VAV3: variants seen among roughly 807,000 people sequenced by gnomAD.
VAV3 encodes vav guanine nucleotide exchange factor 3.
In VAV3, 94 loss-of-function variants were observed where a neutral mutation model predicts 131.2. The observed-to-expected ratio is 0.72, with a 90% CI of 0.61 to 0.85. The LOEUF is 0.85. Ranked by LOEUF, VAV3 falls within the 40% of genes least tolerant of loss-of-function variation. The pLI, the probability that VAV3 is intolerant of heterozygous loss-of-function variation, is 0.00. For missense variants in VAV3, 939 were observed against 1,002.7 expected, an observed-to-expected ratio of 0.94 and a Z score of 0.86; for synonymous variants, 349 against 342.0, an observed-to-expected ratio of 1.02 and a Z score of -0.22.
intron 1 of VAV3, among the ~76,000 whole-genome samples, chr1:107,911,903 T>C (rs1314222634): frequency 6.6e-6 from 1 of 152,182 alleles, no homozygotes; most frequent in Non-Finnish European, 1.5e-5. Flanking sequence ...CACAATAGAC[T>C]TACTGCAAAC....
chr1:107,841,012 A>C (rs926559095), intron 2 of VAV3, among the ~76,000 whole-genome samples: 2 of 152,186 alleles, frequency 1.3e-5, no homozygotes, highest in African/African-American at 4.8e-5. Context: ...CCATGGTCTT[A>C]GCTAGAAGAA....
At chr1:107,915,708 C>T (rs1477498549) in intron 1 of VAV3, among the ~76,000 whole-genome samples, 1 of 152,174 alleles carries the variant, frequency 6.6e-6, no homozygotes, top group East Asian at 1.9e-4. Flanking sequence ...CCAGTGCAAA[C>T]CCAGAGCCTA....
chr1:107,900,450 A>C (rs1671797997), intron 1 of VAV3, among the ~76,000 whole-genome samples: 3 of 152,220 alleles, frequency 2.0e-5, no homozygotes. Context: ...CAGGGAGAAC[A>C]TGAGAAGTTT....
intron 1 of VAV3, among the ~76,000 whole-genome samples, chr1:107,941,082 T>C (rs1673964199): frequency 6.6e-6 from 1 of 152,092 alleles, no homozygotes; most frequent in African/African-American, 2.4e-5. Context: ...AATCTGACTT[T>C]GCAAAGTGTC....
chr1:107,944,595 C>T (rs373070540), intron 1 of VAV3, among the ~76,000 whole-genome samples: 18 of 152,116 alleles, frequency 1.2e-4, no homozygotes, highest in Admixed American at 2.6e-4. Flanking sequence ...ATGAACAAAA[C>T]GCAGTTTTTT....
intron 17 of VAV3, among the ~76,000 whole-genome samples, chr1:107,690,932 G>C (rs116493705): frequency 1.2e-3 from 188 of 152,212 alleles, no homozygotes; most frequent in African/African-American, 4.4e-3. Context: ...CACATAAATA[G>C]CAGCTCCTAG....
At chr1:107,871,756 T>C (rs1670263409) in intron 2 of VAV3, among the ~76,000 whole-genome samples, 1 of 152,140 alleles carries the variant, frequency 6.6e-6, no homozygotes. Context: ...ATATCAAGCC[T>C]AAGATTCAAA....
At chr1:107,734,436 C>T (rs970372652) in intron 15 of VAV3, among the ~76,000 whole-genome samples, 1 of 152,076 alleles carries the variant, frequency 6.6e-6, no homozygotes, top group East Asian at 1.9e-4. Flanking sequence ...GAGACAAGAC[C>T]CATCAGTGTG....
At chr1:107,647,085 A>T (rs966770097) in intron 19 of VAV3, among the ~76,000 whole-genome samples, 2 of 151,674 alleles carry the variant, frequency 1.3e-5, no homozygotes, top group South Asian at 2.1e-4. Context: ...AGCTAATTAT[A>T]GGAGCATCAA....
At chr1:107,889,005 G>A (rs1353814577) in intron 1 of VAV3, among the ~76,000 whole-genome samples, 1 of 152,004 alleles carries the variant, frequency 6.6e-6, no homozygotes, top group Admixed American at 6.6e-5. Context: ...CCCAGCACCA[G>A]TGGGTGGGTC....
At chr1:107,608,486 T>A (rs1224471897) in intron 22 of VAV3, among the ~76,000 whole-genome samples, 2 of 152,208 alleles carry the variant, frequency 1.3e-5, no homozygotes, top group East Asian at 3.8e-4. Context: ...GACTATAGTT[T>A]AAAATTCCAC....
At chr1:107,826,446 G>A (rs1347438301) in intron 2 of VAV3, among the ~76,000 whole-genome samples, 3 of 152,160 alleles carry the variant, frequency 2.0e-5, no homozygotes, top group African/African-American at 4.8e-5. Flanking sequence ...TGTAAACAGC[G>A]ATAATAAGAA....
Position 107,683,407 on chromosome 1 carries a change from C to T in VAV3, c.1777+81G>A. 5 of 1,522,850 alleles carry T rather than the reference C, an allele frequency of 3.3e-6. No individual in the cohort carries two copies. The Admixed American group carries it at 8.4e-5, about 26-fold the overall frequency. The allele number at this position is 1,522,850 out of a possible 1,614,324, so 94.3% of individuals were successfully genotyped here. A position where few individuals can be genotyped will look rare whatever the true frequency, so the allele number is the denominator to read the frequency against. On this transcript the variant is annotated intron_variant, in intron 19 of 26. Coordinates refer to ENST00000370056, the MANE Select transcript of VAV3 (RefSeq NM_006113.5). ...AGGAACAAAGGCCAACAATATGCCT[C>T]ACTTTCCACAGCAATTCCCATATCC...
At chr1:107,634,551 C>T (rs1654756069) in intron 20 of VAV3, among the ~76,000 whole-genome samples, 1 of 151,960 alleles carries the variant, frequency 6.6e-6, no homozygotes, top group Non-Finnish European at 1.5e-5. Context: ...CCATTCAGGA[C>T]ATAGGTATGG....
Position 107,964,807 on chromosome 1 carries a change from G to A in VAV3, c.63C>T (p.His21=). The A allele has an allele frequency of 6.2e-7, 1 of 1,613,996 alleles. No homozygotes were observed. The stretch of plus-strand genomic sequence containing the variant: ...CCTGAGCCGAGTCCCAGGTCACCCG[G>A]TGGTTGGTGGGCAGCACCTTGCAAT... ...LIHCKVLPTN[H]RVTWDSAQVF... is the part of the protein sequence containing the mutation. Residue 21 remains histidine (H), a synonymous_variant, in exon 1 of 27, where the codon CAC becomes CAT. Transcript: ENST00000370056.
intron 4 of VAV3, among the ~76,000 whole-genome samples, chr1:107,775,821 C>T (rs1016262452): frequency 1.3e-5 from 2 of 152,060 alleles, no homozygotes; most frequent in Admixed American, 6.5e-5. Context: ...CTCAAGGCCA[C>T]CTACCCTGGA....
intron 2 of VAV3, among the ~76,000 whole-genome samples, chr1:107,790,675 CTTCCTT>C (rs1666238292): frequency 1.6e-5 from 2 of 122,462 alleles, no homozygotes; most frequent in African/African-American, 6.1e-5. Context: ...CCTTAAATGT[CTTCCTT>C]TTTTTTTTTT....
chr1:107,958,744 G>A (rs912991824), intron 1 of VAV3, among the ~76,000 whole-genome samples: 1 of 152,008 alleles, frequency 6.6e-6, no homozygotes, highest in African/African-American at 2.4e-5. Flanking sequence ...CGTCATCTAC[G>A]TTAGGTATTT....
chr1:107,734,578 G>T lies in VAV3; in HGVS notation c.1502+14390C>A, dbSNP rs1308272803. Among the ~76,000 whole-genome samples the T allele has an allele frequency of 2.6e-5, 4 of 152,142 alleles. No homozygotes were observed. The East Asian group carries it at 7.7e-4, about 29-fold the overall frequency. On this transcript the variant is annotated intron_variant, in intron 15 of 26. Coordinates refer to ENST00000370056, the MANE Select transcript of VAV3 (RefSeq NM_006113.5). ...TGCAATCCTAGTCTCTGATAAAACAGACTTTAAACCAACAAAGATCAAAGG... is the reference window on the plus strand; with the variant it reads ...TGCAATCCTAGTCTCTGATAAAACATACTTTAAACCAACAAAGATCAAAGG...
Sources: gnomAD v4.1 joint callset for allele counts (sites outside exome capture counted in the v4.1 genomes callset) on GRCh38, gnomAD v4.1.1 for gene constraint, MANE v1.5 for transcripts, NCBI Gene and HGNC (gene_info 2026-07-23, HGNC 2026-07-21) for gene names.